FRMD4A: variants seen among roughly 807,000 people sequenced by gnomAD.
FRMD4A encodes the protein FERM domain-containing protein 4A.
FRMD4A carries 29 observed loss-of-function variants against 129.1 expected under a neutral mutation model. The ratio of observed to expected loss-of-function variants is 0.22; its 90% CI spans 0.17 to 0.31. FRMD4A has a LOEUF of 0.31. Ranked by LOEUF, FRMD4A falls within the 10% of genes least tolerant of loss-of-function variation. The pLI, the probability that FRMD4A is intolerant of heterozygous loss-of-function variation, is 1.00. For synonymous variants in FRMD4A, 634 were observed against 571.6 expected (o/e 1.11, Z -1.56); for missense variants, 1,272 against 1,375.8 (o/e 0.92, Z 1.19).
At chr10:14,078,120 G>T (rs1360292534) in intron 2 of FRMD4A, among the ~76,000 whole-genome samples, 1 of 152,174 alleles carries the variant, frequency 6.6e-6, no homozygotes, top group Non-Finnish European at 1.5e-5. Context: ...CATTGCAAGG[G>T]ACCACTTTGA....
chr10:13,765,101 A>ATTTTTTTTTTTTTTTTTTTTT (rs10708906), intron 6 of FRMD4A, among the ~76,000 whole-genome samples: 2 of 125,276 alleles, frequency 1.6e-5, no homozygotes, highest in African/African-American at 2.9e-5. Flanking sequence ...TCAAGGATTG[A>ATTTTTTTTTTTTTTTTTTTTT]TTTTTTTTTT....
chr10:14,155,322 G>T (rs1054376365), intron 2 of FRMD4A, among the ~76,000 whole-genome samples: 3 of 152,176 alleles, frequency 2.0e-5, no homozygotes, highest in Admixed American at 1.3e-4. Context: ...AGATTCTTGT[G>T]TTGAAAATAT....
intron 3 of FRMD4A, among the ~76,000 whole-genome samples, chr10:13,847,893 G>A (rs566024797): frequency 6.6e-6 from 1 of 152,310 alleles, no homozygotes; most frequent in African/African-American, 2.4e-5. Flanking sequence ...CTTGAATTAA[G>A]CAATGTGCCC....
intron 2 of FRMD4A, among the ~76,000 whole-genome samples, chr10:13,920,237 G>A (rs926759864): frequency 6.6e-6 from 1 of 152,214 alleles, no homozygotes; most frequent in African/African-American, 2.4e-5. Context: ...ACATTCCTCT[G>A]GCATGTAGGC....
At chr10:14,246,604 T>C (rs922012093) in intron 2 of FRMD4A, among the ~76,000 whole-genome samples, 3 of 152,190 alleles carry the variant, frequency 2.0e-5, no homozygotes, top group African/African-American at 7.2e-5. Flanking sequence ...TATACACACA[T>C]ATGTGCGCAC....
intron 2 of FRMD4A, among the ~76,000 whole-genome samples, chr10:13,945,903 G>C (rs1457426606): frequency 2.0e-5 from 3 of 152,172 alleles, no homozygotes; most frequent in African/African-American, 7.2e-5. Flanking sequence ...CCAGGCCAGG[G>C]TCAGAGGCCC....
intron 3 of FRMD4A, 104 bp downstream of exon 3, chr10:13,858,743 T>A: frequency 1.3e-6 from 1 of 773,966 alleles, no homozygotes; most frequent in Non-Finnish European, 2.4e-6. Flanking sequence ...TTAACAGAGA[T>A]TTAAAAACAG....
intron 12 of FRMD4A, among the ~76,000 whole-genome samples, chr10:13,719,405 A>C (rs2089194217): frequency 6.6e-6 from 1 of 152,010 alleles, no homozygotes. Context: ...GATCTTTACA[A>C]ATCATGTTGC....
chr10:13,912,529 T>G (rs913934806), intron 2 of FRMD4A, among the ~76,000 whole-genome samples: 7,489 of 141,770 alleles, frequency 0.053, 802 homozygotes, highest in African/African-American at 0.16. Context: ...AATTTTTTTT[T>G]TTTTTTTTTT....
intron 15 of FRMD4A, among the ~76,000 whole-genome samples, chr10:13,690,388 G>T (rs2085567769): frequency 6.6e-6 from 1 of 152,220 alleles, no homozygotes; most frequent in African/African-American, 2.4e-5. Flanking sequence ...CCTGGTGCAA[G>T]GAAACACAGG....
At chr10:13,771,141 C>A (rs957881342) in intron 6 of FRMD4A, among the ~76,000 whole-genome samples, 3 of 152,156 alleles carry the variant, frequency 2.0e-5, no homozygotes, top group Non-Finnish European at 4.4e-5. Context: ...CCAGTGTCAT[C>A]CTAGCTCACT....
At chr10:14,105,170 T>C (rs1837522803) in intron 2 of FRMD4A, among the ~76,000 whole-genome samples, 1 of 152,238 alleles carries the variant, frequency 6.6e-6, no homozygotes, top group African/African-American at 2.4e-5. Flanking sequence ...CTATAGGTCG[T>C]AGCTCTTTTC....
At chr10:13,722,281 GA>G (rs1184367969) in intron 12 of FRMD4A, among the ~76,000 whole-genome samples, 1 of 148,862 alleles carries the variant, frequency 6.7e-6, no homozygotes, top group Non-Finnish European at 1.5e-5. Context: ...GCCCAGGCTG[GA>G]GTGCAGTGAT....
At chr10:14,154,548 C>T (rs1175761851) in intron 2 of FRMD4A, among the ~76,000 whole-genome samples, 1 of 152,166 alleles carries the variant, frequency 6.6e-6, no homozygotes, top group South Asian at 2.1e-4. Context: ...TCTCCTCATG[C>T]TGAAGAGTTC....
chr10:14,278,274 A>G (rs1429948535), intron 2 of FRMD4A, among the ~76,000 whole-genome samples: 1 of 152,066 alleles, frequency 6.6e-6, no homozygotes, highest in East Asian at 1.9e-4. Context: ...CTGATTTCTA[A>G]ATTTCCTTTT....
intron 2 of FRMD4A, among the ~76,000 whole-genome samples, chr10:14,222,518 C>A (rs1261071710): frequency 2.0e-5 from 3 of 152,098 alleles, no homozygotes; most frequent in Non-Finnish European, 4.4e-5. Context: ...ATAGAGAAAC[C>A]AGGCCATCTG....
intron 2 of FRMD4A, among the ~76,000 whole-genome samples, chr10:14,257,881 G>T (rs1844670363): frequency 6.6e-6 from 1 of 152,178 alleles, no homozygotes; most frequent in Non-Finnish European, 1.5e-5. Context: ...ACAACTGTCT[G>T]CTGTGTAAAG....
chr10:14,136,831 T>C (rs55938443), intron 2 of FRMD4A, among the ~76,000 whole-genome samples: 53,656 of 152,100 alleles, frequency 0.35, 9,796 homozygotes, highest in East Asian at 0.58. Context: ...CCTCCTGAGG[T>C]TGTATCACAG....
At position 13,645,726 on chromosome 10, in the gene FRMD4A, A is replaced by G. The variant is rs566787204; in HGVS notation, c.*1312T>C. ...GAGTCAAATCTTTCTACCTAAGGGC[A>G]TAGTTGGGTTCTTGGAATAAGTGAC... On this transcript the variant is annotated 3_prime_UTR_variant, in exon 25 of 25. Coordinates refer to ENST00000357447, the MANE Select transcript of FRMD4A (RefSeq NM_018027.5). The G allele has an allele frequency of 6.6e-6, 1 of 152,662 alleles. No individual in the cohort carries two copies. The highest frequency in any genetic ancestry group is 1.9e-4 in the East Asian group (1 of 5,184). 9.5% of individuals were successfully genotyped at this position (152,662 alleles called of 1,614,324 possible).
Sources: allele counts gnomAD v4.1 joint callset (sites outside exome capture counted in the v4.1 genomes callset), GRCh38; gene constraint gnomAD v4.1.1; transcripts MANE v1.5; gene names NCBI Gene and HGNC (gene_info 2026-07-23, HGNC 2026-07-21).